The following INPP4B variants were observed in gnomAD, a reference collection of about 807,000 sequenced individuals.
INPP4B encodes inositol polyphosphate-4-phosphatase type II B, also known as inositol polyphosphate 4-phosphatase type II.
Under a neutral mutation model 122.5 loss-of-function variants are expected in INPP4B, and 55 were observed. That is an observed-to-expected ratio of 0.45 (90% confidence interval 0.36 to 0.56). The LOEUF (loss-of-function observed/expected upper bound fraction) is 0.56. Ranked by LOEUF, INPP4B falls within the 20% of genes least tolerant of loss-of-function variation. The pLI, the probability that INPP4B is intolerant of heterozygous loss-of-function variation, is 0.00. For missense variants in INPP4B, 1,000 were observed against 1,097.7 expected (o/e 0.91, Z 1.26); for synonymous variants, 403 against 388.7 (o/e 1.04, Z -0.43).
chr4:142,783,743 T>G (rs988027982), intron 1 of INPP4B, among the ~76,000 whole-genome samples: 8 of 152,126 alleles, frequency 5.3e-5, no homozygotes, highest in Non-Finnish European at 1.2e-4. Flanking sequence ...TGACACTTCA[T>G]GTAGCGTATT....
chr4:142,559,141 A>G (rs930122216), intron 2 of INPP4B, among the ~76,000 whole-genome samples: 1 of 152,208 alleles, frequency 6.6e-6, no homozygotes, highest in South Asian at 2.1e-4. Context: ...ATGCACTCTC[A>G]GTTGTTATAG....
chr4:142,670,649 G>T (rs1292787506), intron 2 of INPP4B, among the ~76,000 whole-genome samples: 1 of 152,082 alleles, frequency 6.6e-6, no homozygotes, highest in Non-Finnish European at 1.5e-5. Context: ...GGGCTGCGGT[G>T]GTTTGGGGCT....
At chr4:142,342,497 T>C (rs566217165) in intron 7 of INPP4B, among the ~76,000 whole-genome samples, 1 of 152,240 alleles carries the variant, frequency 6.6e-6, no homozygotes, top group African/African-American at 2.4e-5. Context: ...CTCTCAACTC[T>C]TAGGTATTCA....
chr4:142,398,352 T>C (rs1196469377), intron 7 of INPP4B, among the ~76,000 whole-genome samples: 2 of 117,836 alleles, frequency 1.7e-5, no homozygotes, highest in Admixed American at 2.2e-4. Context: ...CACTCCAGCC[T>C]GGGTAACAGA....
intron 25 of INPP4B, among the ~76,000 whole-genome samples, chr4:142,080,242 C>T (rs1330389213): frequency 6.6e-6 from 1 of 152,096 alleles, no homozygotes; most frequent in African/African-American, 2.4e-5. Context: ...ATGTTCATAT[C>T]TACTCTGCTG....
At chr4:142,080,483 G>T (rs1773339476) in intron 25 of INPP4B, among the ~76,000 whole-genome samples, 1 of 152,066 alleles carries the variant, frequency 6.6e-6, no homozygotes. Context: ...AGCCTTTAGT[G>T]TTTTAGATTA....
intron 7 of INPP4B, among the ~76,000 whole-genome samples, chr4:142,357,012 C>G (rs1280726801): frequency 6.6e-6 from 1 of 152,066 alleles, no homozygotes; most frequent in Non-Finnish European, 1.5e-5. Context: ...CACACCCCAA[C>G]TTTACACATA....
At chr4:142,510,586 C>G (rs1389103771) in intron 2 of INPP4B, among the ~76,000 whole-genome samples, 1 of 152,138 alleles carries the variant, frequency 6.6e-6, no homozygotes, top group Admixed American at 6.5e-5. Flanking sequence ...AGCTCAGATG[C>G]AAATTAATTT....
intron 17 of INPP4B, among the ~76,000 whole-genome samples, chr4:142,147,546 T>C (rs1311296674): frequency 1.3e-5 from 2 of 152,184 alleles, no homozygotes; most frequent in African/African-American, 4.8e-5. Context: ...TCAGTTGGAA[T>C]GATAATTCTT....
rs1026161684 is a variant in INPP4B, at chr4:142,725,882, T to C, written c.-234A>G. 5.0e-6 allele frequency: 2 copies of C among 397,930 alleles called. No homozygotes were observed. Among genetic ancestry groups the C allele is most frequent in the African/African-American group, 2.1e-5 (1 of 48,624 alleles). 24.6% of individuals were successfully genotyped at this position (397,930 alleles called of 1,614,324 possible). A position where few individuals can be genotyped will look rare whatever the true frequency, so the allele number is the denominator to read the frequency against. On this transcript the variant is annotated 5_prime_UTR_variant, in exon 2 of 26. Transcript: ENST00000262992. ...AAAAGACAGAAGACCTCTTGCCAGG[T>C]AACACCATTTCTTTGTATTCTACGG... is the stretch of plus-strand genomic sequence containing the variant.
intron 7 of INPP4B, among the ~76,000 whole-genome samples, chr4:142,343,792 C>A (rs1779428848): frequency 6.6e-6 from 1 of 152,024 alleles, no homozygotes; most frequent in African/African-American, 2.4e-5. Context: ...ATCTCTTTGA[C>A]CCTTTTTAGT....
intron 2 of INPP4B, among the ~76,000 whole-genome samples, chr4:142,684,560 T>A (rs1580703413): frequency 6.6e-6 from 1 of 151,734 alleles, no homozygotes; most frequent in Non-Finnish European, 1.5e-5. Flanking sequence ...CCCAAATAGC[T>A]CAACAGCCAT....
At chr4:142,841,181 A>G in intron 1 of INPP4B, among the ~76,000 whole-genome samples, 1 of 152,068 alleles carries the variant, frequency 6.6e-6, no homozygotes. Flanking sequence ...AAGACATCAT[A>G]GAGTGTTAAC....
At chr4:142,780,617 T>C (rs79286026) in intron 1 of INPP4B, among the ~76,000 whole-genome samples, 12,328 of 151,984 alleles carry the variant, frequency 0.081, 587 homozygotes, top group Middle Eastern at 0.13. Flanking sequence ...GACAAGATGG[T>C]GAAACCCCTG....
chr4:142,322,483 A>G, intron 7 of INPP4B, among the ~76,000 whole-genome samples: 1 of 152,294 alleles, frequency 6.6e-6, no homozygotes, highest in Non-Finnish European at 1.5e-5. Context: ...GTTTGAGACA[A>G]TAGGAATTGG....
chr4:142,072,278 T>G (rs911674796), intron 25 of INPP4B, among the ~76,000 whole-genome samples: 6 of 151,872 alleles, frequency 4.0e-5, no homozygotes, highest in African/African-American at 1.5e-4. Flanking sequence ...TAGGTGAGAA[T>G]TGAACAATGA....
At chr4:142,798,596 TAAAATGTGTCATC>T (rs1051526346) in intron 1 of INPP4B, among the ~76,000 whole-genome samples, 12 of 151,792 alleles carry the variant, frequency 7.9e-5, no homozygotes, top group Non-Finnish European at 1.2e-4. Context: ...GAGTAGAAAT[TAAAATGTGTCATC>T]AAAAGTGATG....
chr4:142,052,645 T>G (rs1162756981), intron 25 of INPP4B, among the ~76,000 whole-genome samples: 1 of 150,478 alleles, frequency 6.6e-6, no homozygotes, highest in South Asian at 2.1e-4. Flanking sequence ...ATTTGGGCAT[T>G]AAAAATGATG....
intron 1 of INPP4B, among the ~76,000 whole-genome samples, chr4:142,745,645 C>T (rs78412934): frequency 0.03 from 4,544 of 151,674 alleles, 83 homozygotes; most frequent in Non-Finnish European, 0.041. Flanking sequence ...CTTTTTAGTT[C>T]CCATAAAGTG....
Sources: allele counts gnomAD v4.1 joint callset (sites outside exome capture counted in the v4.1 genomes callset), GRCh38; gene constraint gnomAD v4.1.1; transcripts MANE v1.5; gene names NCBI Gene and HGNC (gene_info 2026-07-23, HGNC 2026-07-21).